CEP350: variants seen among roughly 807,000 people sequenced by gnomAD.
CEP350 encodes centrosomal protein 350.
In CEP350, 126 loss-of-function variants were observed where a neutral mutation model predicts 331.8. That is an observed-to-expected ratio of 0.38 (90% confidence interval 0.33 to 0.44). The LOEUF (loss-of-function observed/expected upper bound fraction) is 0.44. Ranked by LOEUF, CEP350 falls within the 20% of genes least tolerant of loss-of-function variation. CEP350 has a pLI of 1.00. For synonymous variants in CEP350, 1,200 were observed against 1,259.5 expected, an observed-to-expected ratio of 0.95 and a Z score of 1.00; for missense variants, 3,406 against 3,634.6, an observed-to-expected ratio of 0.94 and a Z score of 1.62.
chr1:180,069,563 TC>T (rs1311700393), intron 27 of CEP350, among the ~76,000 whole-genome samples: 1 of 152,214 alleles, frequency 6.6e-6, no homozygotes, highest in Non-Finnish European at 1.5e-5. Flanking sequence ...GTTTTTATTC[TC>T]TGCAGGAATT....
chr1:180,006,541 A>G lies in CEP350; in HGVS notation c.1220A>G (p.Gln407Arg), dbSNP rs201606569. 1.5e-5 allele frequency: 23 copies of G among 1,542,462 alleles called. No individual in the cohort carries two copies. Among genetic ancestry groups the G allele is most frequent in the South Asian group, 6.0e-5 (5 of 84,014 alleles). The change falls in exon 8 of 38, where the codon CAG becomes CGG. Residue 407 changes from glutamine (Q) to arginine (R), a missense_variant. Gln to Arg is a conservative substitution (Grantham distance 43, BLOSUM62 1). Transcript: ENST00000367607. ...KPVRKVQKVA[Q>R]LSSTECRTGS... ...GTACGAAAAGTCCAAAAAGTAGCAC[A>G]GTTATCAAGTACAGAATGCAGAACA...
At chr1:180,026,007 G>A (rs1655649343) in intron 14 of CEP350, among the ~76,000 whole-genome samples, 1 of 152,144 alleles carries the variant, frequency 6.6e-6, no homozygotes, top group Non-Finnish European at 1.5e-5. Context: ...AATGAATATA[G>A]AAACCTATAT....
intron 16 of CEP350, among the ~76,000 whole-genome samples, chr1:180,034,416 C>T (rs1656214758): frequency 6.6e-6 from 1 of 151,356 alleles, no homozygotes; most frequent in African/African-American, 2.4e-5. Flanking sequence ...ATAGGCATAC[C>T]TTGTTTTATT....
chr1:180,008,675 A>G lies in CEP350; in HGVS notation c.1246+2108A>G, dbSNP rs770159803. 7.1e-4 allele frequency among the ~76,000 whole-genome samples: 108 copies of G among 152,208 alleles called. 2 individuals carry two copies. Among genetic ancestry groups the G allele is most frequent in the Non-Finnish European group, 2.6e-4 (18 of 68,036 alleles). On this transcript the variant is annotated intron_variant, in intron 8 of 37. Transcript: ENST00000367607. ...AGGTACTGTGCTGTACTAAACTTAG[A>G]CAATACATTGGTAAGCAAGATGCAT...
intron 1 of CEP350, among the ~76,000 whole-genome samples, chr1:179,977,493 A>G (rs985480231): frequency 3.3e-5 from 5 of 152,188 alleles, no homozygotes; most frequent in Non-Finnish European, 5.9e-5. Flanking sequence ...CCAAATTGGT[A>G]ATAGTTTATT....
chr1:180,100,902 CT>C (rs1454790690), intron 37 of CEP350, among the ~76,000 whole-genome samples: 2 of 152,210 alleles, frequency 1.3e-5, no homozygotes, highest in Non-Finnish European at 2.9e-5. Flanking sequence ...TTACCTCCCC[CT>C]GGGTCCCTCC....
At chr1:179,977,578 A>G (rs1651963315) in intron 1 of CEP350, among the ~76,000 whole-genome samples, 2 of 152,160 alleles carry the variant, frequency 1.3e-5, no homozygotes, top group East Asian at 1.9e-4. Context: ...GAAGAAAGCT[A>G]TTTGCAGATA....
intron 25 of CEP350, among the ~76,000 whole-genome samples, chr1:180,061,125 G>T (rs1658204179): frequency 6.6e-6 from 1 of 152,152 alleles, no homozygotes; most frequent in South Asian, 2.1e-4. Context: ...AAATCTCAAT[G>T]ATTAAAATAA....
intron 6 of CEP350, among the ~76,000 whole-genome samples, chr1:180,001,521 A>G (rs1653869350): frequency 6.6e-6 from 1 of 152,216 alleles, no homozygotes; most frequent in Non-Finnish European, 1.5e-5. Flanking sequence ...AGCCTCCCAA[A>G]GTGCTGGGAT....
At chr1:180,067,060 G>A (rs1280066669) in intron 27 of CEP350, among the ~76,000 whole-genome samples, 1 of 152,086 alleles carries the variant, frequency 6.6e-6, no homozygotes, top group Non-Finnish European at 1.5e-5. Flanking sequence ...TGACCTTGAG[G>A]TCAGTTAGTT....
In CEP350 at chr1:180,095,906, C is replaced by G. The variant is rs776118922; in HGVS notation, c.8895C>G (p.Ser2965Arg). 3 of 1,604,738 alleles carry G rather than the reference C, an allele frequency of 1.9e-6. 1 individual carries two copies. In the Admixed American group the frequency reaches 5.2e-5, roughly 28 times the overall value. Residue 2965 changes from serine (S) to arginine (R), a missense_variant, in exon 35 of 38, where the codon AGC becomes AGG. Around this residue, in one of 5 missense-constraint regions of CEP350, gnomAD observed 1,415 missense variants for 1,512.3 expected, o/e 0.94. Transcript: ENST00000367607. ...GCASKGLDIE[S>R]TSKRVYKQAV... Reference sequence around the variant, plus strand: ...CCAGTAAAGGTCTAGATATAGAAAGCACTAGTAAAAGGGTCTACAAACAGG... The same window carrying G: ...CCAGTAAAGGTCTAGATATAGAAAGGACTAGTAAAAGGGTCTACAAACAGG...
chr1:179,975,646 A>G (rs1651808448), intron 1 of CEP350, among the ~76,000 whole-genome samples: 1 of 152,216 alleles, frequency 6.6e-6, no homozygotes, highest in South Asian at 2.1e-4. Context: ...AGAGATAGGA[A>G]TGTCAAAGAT....
At chr1:180,004,117 C>T (rs1654052168) in intron 7 of CEP350, among the ~76,000 whole-genome samples, 1 of 152,136 alleles carries the variant, frequency 6.6e-6, no homozygotes, top group Non-Finnish European at 1.5e-5. Context: ...TCAAGGCTTC[C>T]AGTTCTGCCT....
chr1:179,983,679 C>T (rs541332898), intron 1 of CEP350, among the ~76,000 whole-genome samples: 1 of 152,192 alleles, frequency 6.6e-6, no homozygotes, highest in Non-Finnish European at 1.5e-5. Flanking sequence ...GTGAGCCCTT[C>T]TTTTTCTTAA....
At chr1:179,993,752 T>C (rs189714003) in intron 5 of CEP350, among the ~76,000 whole-genome samples, 31 of 152,286 alleles carry the variant, frequency 2.0e-4, no homozygotes, top group African/African-American at 4.6e-4. Context: ...CTGTAAATTA[T>C]GTATCTTTTA....
rs142566323 is a variant in CEP350 at position 180,075,090 on chromosome 1, A to G, written c.5636A>G (p.Lys1879Arg). ...RQHAEELLEW[K>R]RRLDAEEAEI... Reference sequence around the variant, plus strand: ...CATGCAGAGGAGCTCCTAGAGTGGAAGCGACGTTTAGATGCAGAAGAAGCA... The same window carrying G: ...CATGCAGAGGAGCTCCTAGAGTGGAGGCGACGTTTAGATGCAGAAGAAGCA... Residue 1879 changes from lysine to arginine, a missense_variant, in exon 28 of 38, where the codon AAG becomes AGG. Physicochemically the swap from Lys to Arg is conservative, Grantham distance 26 (BLOSUM62 2). Around this residue, in one of 5 missense-constraint regions of CEP350, gnomAD observed 1,415 missense variants for 1,512.3 expected, o/e 0.94. Transcript: ENST00000367607. 7 of 1,613,384 alleles carry G rather than the reference A, an allele frequency of 4.3e-6. No individual in the cohort carries two copies. The highest frequency in any genetic ancestry group is 2.7e-5 in the African/African-American group (2 of 74,926).
chr1:179,976,595 A>G (rs940097054), intron 1 of CEP350, among the ~76,000 whole-genome samples: 2 of 151,774 alleles, frequency 1.3e-5, no homozygotes, highest in Middle Eastern at 3.4e-3. Context: ...TGGAGCTTGC[A>G]GTGAGCCGAG....
At chr1:180,067,463 C>T (rs528072145) in intron 27 of CEP350, among the ~76,000 whole-genome samples, 2 of 152,246 alleles carry the variant, frequency 1.3e-5, no homozygotes, top group African/African-American at 4.8e-5. Context: ...CCGAGGCAGG[C>T]AGATCACCTG....
chr1:180,005,523 A>T (rs1207989125), intron 7 of CEP350, among the ~76,000 whole-genome samples: 2 of 152,112 alleles, frequency 1.3e-5, no homozygotes, highest in East Asian at 1.9e-4. Context: ...TATCTGGATT[A>T]TTCTGGTAGT....
Sources: gnomAD v4.1 joint callset for allele counts (sites outside exome capture counted in the v4.1 genomes callset) on GRCh38, gnomAD v4.1.1 for gene constraint, gnomAD v4.1.1 regional missense constraint, MANE v1.5 for transcripts, NCBI Gene and HGNC (gene_info 2026-07-23, HGNC 2026-07-21) for gene names.